AP3D1: variants seen among roughly 807,000 people sequenced by gnomAD.
AP3D1 encodes the protein AP-3 complex subunit delta-1.
A neutral mutation model predicts 147.6 loss-of-function variants in AP3D1; 51 were observed. The observed-to-expected ratio is 0.35, with a 90% CI of 0.28 to 0.44. The LOEUF (loss-of-function observed/expected upper bound fraction) is 0.44, where lower values mean the gene tolerates loss of function less well. AP3D1 is among the 20% of genes least tolerant of loss of function. The pLI is 1.00. For missense variants in AP3D1, 1,421 were observed against 1,624.2 expected, an observed-to-expected ratio of 0.87 and a Z score of 2.15; for synonymous variants, 760 against 663.0, an observed-to-expected ratio of 1.15 and a Z score of -2.25.
At chr19:2,123,741 T>G in intron 10 of AP3D1, 89 bp downstream of exon 10, 1 of 1,471,374 alleles carries the variant, frequency 6.8e-7, no homozygotes, top group Non-Finnish European at 9.2e-7. Context: ...ACCAGCACCT[T>G]GGTCACAGGG....
intron 1 of AP3D1, among the ~76,000 whole-genome samples, chr19:2,160,247 G>A (rs2019685270): frequency 6.6e-6 from 1 of 152,168 alleles, no homozygotes; most frequent in African/African-American, 2.4e-5. Context: ...GTGGGAGGAG[G>A]CCAGGTGTGG....
intron 17 of AP3D1, 39 bp downstream of exon 17, chr19:2,116,566 G>C (rs746882194): frequency 3.3e-6 from 5 of 1,532,894 alleles, no homozygotes; most frequent in South Asian, 1.3e-5. Flanking sequence ...GGACAGGAGG[G>C]AGGAGACGAG....
chr19:2,110,282 G>A, intron 27 of AP3D1, 58 bp from the exon 28 acceptor site: 1 of 1,462,418 alleles, frequency 6.8e-7, no homozygotes, highest in African/African-American at 1.4e-5. Context: ...GCATGGGTGG[G>A]GCCTCCAGGT....
At chr19:2,117,121 C>A in intron 16 of AP3D1, 101 bp downstream of exon 16, 1 of 1,430,934 alleles carries the variant, frequency 7.0e-7, no homozygotes, top group South Asian at 1.5e-5. Context: ...GCCCCACACC[C>A]TCCTGGCTGT....
chr19:2,147,479 C>A (rs1478667199), intron 1 of AP3D1, among the ~76,000 whole-genome samples: 1 of 148,402 alleles, frequency 6.7e-6, no homozygotes, highest in East Asian at 1.9e-4. Context: ...CTGCTTGAAC[C>A]CAGGAGGCGG....
intron 31 of AP3D1, among the ~76,000 whole-genome samples, chr19:2,103,494 G>C (rs1168294885): frequency 6.6e-6 from 1 of 152,224 alleles, no homozygotes; most frequent in Non-Finnish European, 1.5e-5. Flanking sequence ...CAGAGAGGGA[G>C]GTACGCGGGG....
Position 2,118,584 on chromosome 19 carries a change from G to T in AP3D1, c.1713+17C>A. ...GGCTCCCTGAGGCTCGGCCCAACAC[G>T]GAGTGTTGGATCTTACCCGCTCCTG... On this transcript the variant is annotated intron_variant, in intron 15 of 31. Coordinates refer to ENST00000643116, the MANE Select transcript of AP3D1 (RefSeq NM_001261826.3). The T allele has an allele frequency of 6.3e-7, 1 of 1,597,452 alleles. No individual in the cohort carries two copies. Among genetic ancestry groups the T allele is most frequent in the Non-Finnish European group, 8.5e-7 (1 of 1,173,576 alleles).
At chr19:2,121,680 T>G in intron 12 of AP3D1, 54 bp downstream of exon 12, 1 of 1,524,016 alleles carries the variant, frequency 6.6e-7, no homozygotes, top group South Asian at 1.3e-5. Flanking sequence ...TGACACTTAA[T>G]GTCCCTTAGA....
intron 8 of AP3D1, among the ~76,000 whole-genome samples, chr19:2,127,579 C>T (rs1375816461): frequency 6.6e-6 from 1 of 152,250 alleles, no homozygotes; most frequent in African/African-American, 2.4e-5. Flanking sequence ...GGCCGGAGTG[C>T]AATGGCGCGG....
At chr19:2,141,578 A>C (rs2019221390) in intron 1 of AP3D1, among the ~76,000 whole-genome samples, 1 of 151,428 alleles carries the variant, frequency 6.6e-6, no homozygotes, top group Non-Finnish European at 1.5e-5. Flanking sequence ...AGTGGCTACG[A>C]TTACAGGTAC....
At chr19:2,115,635 G>A (rs752617057) in intron 18 of AP3D1, 22 bp from the exon 19 acceptor site, 31 of 1,605,172 alleles carry the variant, frequency 1.9e-5, no homozygotes, top group East Asian at 4.5e-5. Context: ...ACACCCAGGC[G>A]TTACCGGTGC....
At chr19:2,159,906 C>T (rs146440760) in intron 1 of AP3D1, among the ~76,000 whole-genome samples, 23 of 152,068 alleles carry the variant, frequency 1.5e-4, no homozygotes, top group African/African-American at 5.1e-4. Flanking sequence ...TTAGTAGAGA[C>T]GGGGTTTCAC....
At chr19:2,109,038 G>C in intron 30 of AP3D1, 48 bp downstream of exon 30, 1 of 1,600,314 alleles carries the variant, frequency 6.2e-7, no homozygotes, top group Admixed American at 1.8e-5. Context: ...GACAGCTGCC[G>C]CGTGCGTGAA....
intron 9 of AP3D1, among the ~76,000 whole-genome samples, chr19:2,125,464 C>T (rs185283328): frequency 9.9e-5 from 15 of 152,116 alleles, no homozygotes; most frequent in East Asian, 7.7e-4. Flanking sequence ...TACAGGCGCC[C>T]GACACCAAGC....
intron 15 of AP3D1, among the ~76,000 whole-genome samples, chr19:2,117,621 C>T (rs551907580): frequency 6.6e-6 from 1 of 152,364 alleles, no homozygotes; most frequent in South Asian, 2.1e-4. Flanking sequence ...GCAGAAATGC[C>T]TCCCATCAGG....
intron 1 of AP3D1, among the ~76,000 whole-genome samples, chr19:2,144,326 T>G (rs867289379): frequency 1.3e-5 from 2 of 152,192 alleles, no homozygotes; most frequent in East Asian, 3.9e-4. Flanking sequence ...TCTCTTGTTG[T>G]GGACAGGCTC....
At chr19:2,113,180 A>G (rs2018336295) in intron 23 of AP3D1, 156 bp downstream of exon 23, 4 of 628,716 alleles carry the variant, frequency 6.4e-6, no homozygotes, top group South Asian at 6.0e-5. Context: ...GGGACCCGGG[A>G]GCATGACCCC....
chr19:2,146,861 T>C (rs2019369796), intron 1 of AP3D1, among the ~76,000 whole-genome samples: 1 of 152,120 alleles, frequency 6.6e-6, no homozygotes, highest in South Asian at 2.1e-4. Context: ...CATTCTGGTC[T>C]GGGCACACCT....
chr19:2,102,103 G>A lies in AP3D1; in HGVS notation c.*70C>T, dbSNP rs2017969971. ...GTACAGTACACACGACTGAGGAGAG[G>A]CGAGACACGTCAGGGCTGCGGTCCC... On this transcript the variant is annotated 3_prime_UTR_variant, in exon 32 of 32. Coordinates refer to ENST00000643116, the MANE Select transcript of AP3D1 (RefSeq NM_001261826.3). 8.0e-7 allele frequency: 1 copy of A among 1,256,898 alleles called. No homozygotes were observed. Among genetic ancestry groups the A allele is most frequent in the South Asian group, 1.2e-5 (1 of 82,642 alleles). 77.9% of individuals were successfully genotyped at this position (1,256,898 alleles called of 1,614,324 possible).
Sources: gnomAD v4.1 joint callset for allele counts (sites outside exome capture counted in the v4.1 genomes callset) on GRCh38, gnomAD v4.1.1 for gene constraint, MANE v1.5 for transcripts, NCBI Gene and HGNC (gene_info 2026-07-23, HGNC 2026-07-21) for gene names.